SLC9A3: variants seen among roughly 807,000 people sequenced by gnomAD.
The protein encoded by SLC9A3 is sodium/hydrogen exchanger 3.
A neutral mutation model predicts 86.8 loss-of-function variants in SLC9A3; 37 were observed. The observed-to-expected ratio is 0.43, with a 90% CI of 0.33 to 0.56. SLC9A3 has a LOEUF of 0.56. Among genes scored for constraint, SLC9A3 ranks in the 20% least tolerant of loss-of-function variants. The probability of loss-of-function intolerance (pLI) is 0.06; values close to 1 mark genes in which losing one functional copy is unlikely to be tolerated. For missense variants in SLC9A3, 1,011 were observed against 1,171.9 expected (o/e 0.86, Z 2.00); for synonymous variants, 581 against 528.3 (o/e 1.10, Z -1.37).
Position 497,033 on chromosome 5 carries a change from C to T in SLC9A3, c.212-4962G>A, listed in dbSNP as rs964026842. Among the ~76,000 whole-genome samples, 6 of 152,000 alleles carry T rather than the reference C, an allele frequency of 3.9e-5. No individual in the cohort carries two copies. In the East Asian group the frequency reaches 7.7e-4, roughly 20 times the overall value. On this transcript the variant is annotated intron_variant, in intron 1 of 16. Coordinates refer to ENST00000264938, the MANE Select transcript of SLC9A3 (RefSeq NM_004174.4). This position sits in a 1 kb window ranked among gnomAD's most constrained non-coding sequence, Gnocchi z 5.4. ...TCACACCACTACATTCCAGCCTGGG[C>T]GACGGAGGCCTTGTCTCAAAAAAAA... is the stretch of plus-strand genomic sequence containing the variant.
intron 1 of SLC9A3, among the ~76,000 whole-genome samples, chr5:514,424 G>A (rs1023270112): frequency 7.2e-5 from 11 of 152,230 alleles, no homozygotes; most frequent in African/African-American, 1.2e-4. Flanking sequence ...ACCAGTGGCC[G>A]CTGGCTCCCC....
intron 1 of SLC9A3, among the ~76,000 whole-genome samples, chr5:519,366 T>C (rs1439525132): frequency 1.3e-5 from 2 of 152,114 alleles, no homozygotes; most frequent in Non-Finnish European, 2.9e-5. Context: ...GTAGCAGATA[T>C]GGTGAAGGGG....
intron 9 of SLC9A3, among the ~76,000 whole-genome samples, chr5:481,261 A>G (rs911731592): frequency 1.3e-5 from 2 of 152,330 alleles, no homozygotes; most frequent in South Asian, 2.1e-4. Flanking sequence ...CTTATTTTCA[A>G]TTCCTACATA....
chr5:509,489 G>A (rs547272217), intron 1 of SLC9A3, among the ~76,000 whole-genome samples: 1 of 128,854 alleles, frequency 7.8e-6, no homozygotes, highest in African/African-American at 2.9e-5. Context: ...GAGGGAGGGA[G>A]GGAAAGAAGG....
intron 1 of SLC9A3, among the ~76,000 whole-genome samples, chr5:506,472 C>T (rs1224018607): frequency 3.3e-5 from 5 of 152,210 alleles, no homozygotes; most frequent in Non-Finnish European, 5.9e-5. Context: ...GGGCCCCATG[C>T]TGCTCCCTGT....
At chr5:498,519 C>T (rs1435477002) in intron 1 of SLC9A3, among the ~76,000 whole-genome samples, 2 of 152,240 alleles carry the variant, frequency 1.3e-5, no homozygotes, top group Non-Finnish European at 2.9e-5. Context: ...TCTCCTGCCT[C>T]AGCCTCTGAG....
chr5:475,483 G>T, intron 15 of SLC9A3, 78 bp downstream of exon 15: 1 of 863,738 alleles, frequency 1.2e-6, no homozygotes, highest in Admixed American at 2.1e-5. Context: ...CAGTGCCCCT[G>T]GTCCAATGAC....
At chr5:484,044 G>A (rs892944351) in intron 5 of SLC9A3, among the ~76,000 whole-genome samples, 2 of 152,224 alleles carry the variant, frequency 1.3e-5, no homozygotes, top group Non-Finnish European at 2.9e-5. Context: ...CGGTGTCCAT[G>A]CGGCTGGCAC....
At chr5:508,417 G>A (rs1286465100) in intron 1 of SLC9A3, among the ~76,000 whole-genome samples, 1 of 136,682 alleles carries the variant, frequency 7.3e-6, no homozygotes, top group African/African-American at 2.8e-5. Context: ...CCCGGGGATG[G>A]AGATGCCGCA....
chr5:507,276 T>C (rs2126646722), intron 1 of SLC9A3, among the ~76,000 whole-genome samples: 1 of 133,232 alleles, frequency 7.5e-6, no homozygotes, highest in South Asian at 2.7e-4. Context: ...CACGCCATTC[T>C]CCTGCCTCAG....
chr5:481,655 A>C lies in SLC9A3; in HGVS notation c.1447-20T>G. 1 of 1,610,286 alleles carries C rather than the reference A, an allele frequency of 6.2e-7. No homozygotes were observed. The highest frequency in any genetic ancestry group is 1.1e-5 in the South Asian group (1 of 91,024). ...GAAAGCCTTTCAAGGGAAGAAAGACATGAGCGTCTCGGGGCGGCCAACCGG... is the reference window on the plus strand; with the variant it reads ...GAAAGCCTTTCAAGGGAAGAAAGACCTGAGCGTCTCGGGGCGGCCAACCGG... On this transcript the variant is annotated intron_variant, in intron 8 of 16. Coordinates refer to ENST00000264938, the MANE Select transcript of SLC9A3 (RefSeq NM_004174.4).
chr5:490,251 T>TG (rs1553996845), intron 2 of SLC9A3, among the ~76,000 whole-genome samples: 1 of 152,168 alleles, frequency 6.6e-6, no homozygotes, highest in Non-Finnish European at 1.5e-5. Flanking sequence ...GGCACAGCGA[T>TG]ACCTGGGACA....
Position 473,019 on chromosome 5 carries a change from G to C in SLC9A3, c.*360C>G, listed in dbSNP as rs911946035. The C allele has an allele frequency of 4.6e-6, 2 of 432,386 alleles. No individual in the cohort carries two copies. The highest frequency in any genetic ancestry group is 8.2e-6 in the Non-Finnish European group (2 of 242,776). The allele number at this position is 432,386 out of a possible 1,614,324, so 26.8% of individuals were successfully genotyped here. A position where few individuals can be genotyped will look rare whatever the true frequency, so the allele number is the denominator to read the frequency against. ...GTGCGGCGGTGCGTGGCACGAGGGC[G>C]GCAGCGACGCCAGCTTCAGCAGCGC... On this transcript the variant is annotated 3_prime_UTR_variant, in exon 17 of 17. Coordinates refer to ENST00000264938, the MANE Select transcript of SLC9A3 (RefSeq NM_004174.4).
chr5:502,999 C>CGCTGTG (rs1244113548), intron 1 of SLC9A3, among the ~76,000 whole-genome samples: 1 of 133,136 alleles, frequency 7.5e-6, no homozygotes, highest in Non-Finnish European at 1.6e-5. Context: ...CACAGATGGG[C>CGCTGTG]GTTCCAGTGA....
At position 483,321 on chromosome 5, in the gene SLC9A3, G is replaced by C. The variant is rs1448559642; in HGVS notation, c.1094C>G (p.Thr365Ser). The change falls in exon 6 of 17, where the codon ACC becomes AGC. Residue 365 changes from threonine (T) to serine (S), a missense_variant. Physicochemically the swap from Thr to Ser is moderately conservative, Grantham distance 58 (BLOSUM62 1). Transcript: ENST00000264938. ...GISAVNPFIW[T>S]WNTAFVLLTL... ...CAGGAGCACGAAGGCCGTGTTCCAG[G>C]TCCAGATGAACGGGTTCACGGCCGA... 6 of 1,565,886 alleles carry C rather than the reference G, an allele frequency of 3.8e-6. No individual in the cohort carries two copies. Among genetic ancestry groups the C allele is most frequent in the Non-Finnish European group, 5.2e-6 (6 of 1,155,956 alleles).
chr5:476,450 G>A, intron 12 of SLC9A3, 72 bp from the exon 13 acceptor site: 1 of 1,605,070 alleles, frequency 6.2e-7, no homozygotes, highest in Non-Finnish European at 8.5e-7. Flanking sequence ...CGCAGGAGCT[G>A]AGCACGGATC....
intron 1 of SLC9A3, among the ~76,000 whole-genome samples, chr5:512,914 T>C (rs115342055): frequency 0.016 from 2,390 of 152,160 alleles, 58 homozygotes; most frequent in African/African-American, 0.054. Flanking sequence ...GACTCCACGG[T>C]GCTGACACTA....
chr5:483,931 G>A (rs1013273641), intron 5 of SLC9A3, among the ~76,000 whole-genome samples: 8 of 152,286 alleles, frequency 5.3e-5, no homozygotes, highest in Non-Finnish European at 1.2e-4. Context: ...TCCCGCGCTA[G>A]GACAGAGGGC....
intron 1 of SLC9A3, among the ~76,000 whole-genome samples, chr5:492,980 AC>A (rs1183045095): frequency 6.6e-6 from 1 of 150,764 alleles, no homozygotes; most frequent in Admixed American, 6.6e-5. Flanking sequence ...GGTCCTGGGG[AC>A]CCCCCGTGGA....
Sources: gnomAD v4.1 joint callset for allele counts (sites outside exome capture counted in the v4.1 genomes callset) on GRCh38, gnomAD v4.1.1 for gene constraint, Gnocchi (gnomAD v3.1) non-coding constraint, MANE v1.5 for transcripts, NCBI Gene and HGNC (gene_info 2026-07-23, HGNC 2026-07-21) for gene names.